The following CHSY1 variants were observed in gnomAD, a reference collection of about 807,000 sequenced individuals.
CHSY1 encodes chondroitin sulfate synthase 1.
A neutral mutation model predicts 59.8 loss-of-function variants in CHSY1; 13 were observed. The observed-to-expected ratio is 0.22, with a 90% CI of 0.14 to 0.35. CHSY1 has a LOEUF of 0.35. Ranked by LOEUF, CHSY1 falls within the 10% of genes least tolerant of loss-of-function variation. The pLI is 1.00. For missense variants in CHSY1, 947 were observed against 1,030.6 expected (o/e 0.92, Z 1.11); for synonymous variants, 459 against 401.2 (o/e 1.14, Z -1.72).
rs1469886750 is a variant in CHSY1 at position 101,235,577 on chromosome 15, T to C, written c.321A>G (p.Arg107=). The change falls in exon 2 of 3, where the codon AGA becomes AGG. Residue 107 remains arginine, a splice_region_variant and synonymous_variant. Coordinates refer to ENST00000254190, the MANE Select transcript of CHSY1 (RefSeq NM_014918.5). ...YLQTRAVAAY[R]TWSKTIPGKV... The stretch of plus-strand genomic sequence containing the variant: ...TCCCAGGAATTGTCTTGGACCATGT[T>C]CTGGAATTAAAATAAATATCAGTTA... The C allele has an allele frequency of 2.5e-6, 4 of 1,607,564 alleles. No individual in the cohort carries two copies. The highest frequency in any genetic ancestry group is 3.4e-6 in the Non-Finnish European group (4 of 1,179,914).
chr15:101,214,131 T>C (rs1340961312), intron 2 of CHSY1, among the ~76,000 whole-genome samples: 1 of 152,238 alleles, frequency 6.6e-6, no homozygotes, highest in Non-Finnish European at 1.5e-5. Context: ...ACAAACTGTT[T>C]CTGTGCTGTG....
intron 2 of CHSY1, among the ~76,000 whole-genome samples, chr15:101,234,357 A>C (rs1452406565): frequency 1.3e-5 from 2 of 152,216 alleles, no homozygotes; most frequent in Non-Finnish European, 2.9e-5. Context: ...TAAGTTTCTA[A>C]TCTGTGTAGG....
rs1596458997 is a variant in CHSY1 at position 101,251,175 on chromosome 15, G to C, written c.282C>G (p.Ala94=). 3 of 1,599,212 alleles carry C rather than the reference G, an allele frequency of 1.9e-6. No homozygotes were observed. In the East Asian group the frequency reaches 6.7e-5, roughly 36 times the overall value. Residue 94 remains alanine (A), a synonymous_variant, in exon 1 of 3, where the codon GCC becomes GCG. Transcript: ENST00000254190. ...CGGCCCGAGTCTGCAGGTATTTCTG[G>C]GCGGTCATGACTCCCACGAAGAGAA... ...RNFLFVGVMT[A]QKYLQTRAVA...
At chr15:101,212,230 G>A (rs4965806) in intron 2 of CHSY1, among the ~76,000 whole-genome samples, 80,261 of 151,976 alleles carry the variant, frequency 0.53, 23,989 homozygotes, top group African/African-American at 0.84. Context: ...AATAAGATAC[G>A]GCTACTTTGG....
chr15:101,211,912 T>C (rs1302957093), intron 2 of CHSY1, among the ~76,000 whole-genome samples: 2 of 141,014 alleles, frequency 1.4e-5, no homozygotes, highest in African/African-American at 2.7e-5. Flanking sequence ...ACCTAGAAAA[T>C]ATATCATCCA....
chr15:101,250,767 C>A (rs1270239984), intron 1 of CHSY1, among the ~76,000 whole-genome samples: 4 of 152,234 alleles, frequency 2.6e-5, no homozygotes, highest in African/African-American at 9.6e-5. Flanking sequence ...TCAGCCCCAA[C>A]TGCCTCCACT....
At chr15:101,210,042 C>T (rs1305076142) in intron 2 of CHSY1, among the ~76,000 whole-genome samples, 1 of 152,168 alleles carries the variant, frequency 6.6e-6, no homozygotes, top group Non-Finnish European at 1.5e-5. Flanking sequence ...TATTTCTCTT[C>T]CTGCCTACTG....
At chr15:101,191,121 C>T (rs182398470) in intron 2 of CHSY1, among the ~76,000 whole-genome samples, 10 of 152,300 alleles carry the variant, frequency 6.6e-5, no homozygotes, top group Admixed American at 4.6e-4. Flanking sequence ...TGCATATGGG[C>T]GTTTCCAGCA....
Position 101,177,608 on chromosome 15 carries a change from G to A in CHSY1, c.2189C>T (p.Ala730Val). Residue 730 changes from alanine (A) to valine (V), a missense_variant, in exon 3 of 3, where the codon GCA becomes GTA. Ala to Val is a moderately conservative substitution (Grantham distance 64, BLOSUM62 0). Transcript: ENST00000254190. Reference sequence around the variant, plus strand: ...CTGGCTCCTAAACGTCTTCAAACCTGCCTGGACAACCTTGTTGAAAAGGTC... The same window carrying A: ...CTGGCTCCTAAACGTCTTCAAACCTACCTGGACAACCTTGTTGAAAAGGTC... ...DVDLFNKVVQAGLKTFRSQEV... is the reference protein window; with the variant it reads ...DVDLFNKVVQVGLKTFRSQEV... 2 of 1,614,134 alleles carry A rather than the reference G, an allele frequency of 1.2e-6. No homozygotes were observed. The highest frequency in any genetic ancestry group is 1.7e-5 in the Admixed American group (1 of 60,024).
intron 1 of CHSY1, among the ~76,000 whole-genome samples, chr15:101,240,405 G>C (rs1489523441): frequency 1.3e-5 from 2 of 152,198 alleles, no homozygotes; most frequent in Non-Finnish European, 2.9e-5. Context: ...GCAAACGTCA[G>C]CTTTGCCATC....
intron 2 of CHSY1, among the ~76,000 whole-genome samples, chr15:101,215,418 C>T (rs2038721530): frequency 6.6e-6 from 1 of 152,164 alleles, no homozygotes; most frequent in African/African-American, 2.4e-5. Flanking sequence ...CACAGAGTTG[C>T]TATGGTATAG....
chr15:101,251,115 T>C (rs1220520836), intron 1 of CHSY1, 22 bp downstream of exon 1: 1 of 1,554,768 alleles, frequency 6.4e-7, no homozygotes, highest in Non-Finnish European at 8.7e-7. Flanking sequence ...CAGGAGGCGG[T>C]GCCCGGGGAG....
intron 2 of CHSY1, among the ~76,000 whole-genome samples, chr15:101,198,861 G>A (rs1437794785): frequency 6.6e-6 from 1 of 152,132 alleles, no homozygotes; most frequent in Non-Finnish European, 1.5e-5. Context: ...GAGATCCCAC[G>A]GCCTGCAAAA....
intron 1 of CHSY1, among the ~76,000 whole-genome samples, chr15:101,250,919 A>G (rs1391640846): frequency 1.3e-5 from 2 of 152,150 alleles, no homozygotes; most frequent in African/African-American, 4.8e-5. Flanking sequence ...ACACTAGTCC[A>G]TCTGACCCCA....
chr15:101,240,943 G>T (rs1011960079), intron 1 of CHSY1, among the ~76,000 whole-genome samples: 1 of 152,162 alleles, frequency 6.6e-6, no homozygotes, highest in Non-Finnish European at 1.5e-5. Flanking sequence ...TAATATACGG[G>T]TAAGCTTAAA....
intron 1 of CHSY1, among the ~76,000 whole-genome samples, chr15:101,236,491 G>C (rs1405554745): frequency 6.6e-6 from 1 of 152,120 alleles, no homozygotes; most frequent in Admixed American, 6.6e-5. Flanking sequence ...ATGATTGTGA[G>C]GCCTCCCCAG....
At chr15:101,212,709 T>G (rs1225860313) in intron 2 of CHSY1, among the ~76,000 whole-genome samples, 3 of 152,180 alleles carry the variant, frequency 2.0e-5, no homozygotes, top group Non-Finnish European at 4.4e-5. Flanking sequence ...TTATCAAAAC[T>G]AGGTGAATGC....
chr15:101,192,286 GACA>G (rs1308093244), intron 2 of CHSY1, among the ~76,000 whole-genome samples: 1 of 152,140 alleles, frequency 6.6e-6, no homozygotes, highest in Non-Finnish European at 1.5e-5. Flanking sequence ...ATTAATCACA[GACA>G]ACAATGTAAG....
chr15:101,195,125 AAT>A (rs1263193169), intron 2 of CHSY1, among the ~76,000 whole-genome samples: 40 of 152,220 alleles, frequency 2.6e-4, no homozygotes, highest in African/African-American at 9.4e-4. Flanking sequence ...ATTATAAAAC[AAT>A]ATATACTTAT....
Sources: allele counts gnomAD v4.1 joint callset (sites outside exome capture counted in the v4.1 genomes callset), GRCh38; gene constraint gnomAD v4.1.1; transcripts MANE v1.5; gene names NCBI Gene and HGNC (gene_info 2026-07-23, HGNC 2026-07-21).